PTPRN2: variants seen among roughly 807,000 people sequenced by gnomAD.
PTPRN2 encodes the protein receptor-type tyrosine-protein phosphatase N2.
Under a neutral mutation model 118.8 loss-of-function variants are expected in PTPRN2, and 74 were observed. The ratio of observed to expected loss-of-function variants is 0.62; its 90% CI spans 0.52 to 0.76. The LOEUF is 0.76. PTPRN2 is among the 30% of genes least tolerant of loss of function. PTPRN2 has a pLI of 0.00. For missense variants in PTPRN2, 1,481 were observed against 1,394.4 expected (o/e 1.06, Z -0.99); for synonymous variants, 641 against 608.0 (o/e 1.05, Z -0.80).
chr7:157,781,467 G>T (rs1196067044), intron 12 of PTPRN2, among the ~76,000 whole-genome samples: 1 of 152,144 alleles, frequency 6.6e-6, no homozygotes, highest in Non-Finnish European at 1.5e-5. Context: ...CTCGACCACT[G>T]CAATCAATTC....
At chr7:158,419,780 G>A (rs991698803) in intron 2 of PTPRN2, among the ~76,000 whole-genome samples, 2 of 152,156 alleles carry the variant, frequency 1.3e-5, no homozygotes, top group East Asian at 1.9e-4. Flanking sequence ...AAGCTCACAC[G>A]TGATGTCTGA....
At chr7:158,131,118 ACACT>A (rs1335856093) in intron 9 of PTPRN2, among the ~76,000 whole-genome samples, 3 of 144,036 alleles carry the variant, frequency 2.1e-5, no homozygotes, top group Non-Finnish European at 3.0e-5. Context: ...TACCAAACAC[ACACT>A]CATACGCACA....
At chr7:157,747,219 G>C (rs1458277995) in intron 12 of PTPRN2, among the ~76,000 whole-genome samples, 23 of 127,396 alleles carry the variant, frequency 1.8e-4, no homozygotes. Context: ...TCCCTGAGCT[G>C]TGGGCTGTTG....
At chr7:157,688,278 C>T (rs919327825) in intron 12 of PTPRN2, among the ~76,000 whole-genome samples, 4 of 152,216 alleles carry the variant, frequency 2.6e-5, no homozygotes, top group Admixed American at 1.3e-4. Context: ...TCTTTAAGCA[C>T]TCCTAAAACA....
intron 1 of PTPRN2, among the ~76,000 whole-genome samples, chr7:158,516,857 TTGTTCTTGGTGC>T (rs746883799): frequency 2.0e-5 from 3 of 152,166 alleles, no homozygotes; most frequent in Non-Finnish European, 2.9e-5. Context: ...CTTCTGCCTA[TTGTTCTTGGTGC>T]TGTTCTTGGT....
rs985188837 is a variant in PTPRN2, at chr7:157,642,666, G to A, written c.2196+13691C>T. On this transcript the variant is annotated intron_variant, in intron 14 of 22. Transcript: ENST00000389418. ...GCTTCAAGTGTTTCCTCCCACAACC[G>A]TTAATTCGTGGACCTGTTAACTTTT... is the stretch of plus-strand genomic sequence containing the variant. Among the ~76,000 whole-genome samples, 6 of 152,164 alleles carry A rather than the reference G, an allele frequency of 3.9e-5. No homozygotes were observed. The East Asian group carries it at 7.7e-4, about 20-fold the overall frequency.
intron 11 of PTPRN2, among the ~76,000 whole-genome samples, chr7:157,989,577 A>C (rs1804085722): frequency 6.8e-6 from 1 of 146,956 alleles, no homozygotes; most frequent in African/African-American, 2.5e-5. Context: ...TCCTTTCTGC[A>C]CCGCTCTGAC....
chr7:158,129,948 T>C (rs1053279720), intron 9 of PTPRN2, among the ~76,000 whole-genome samples: 2 of 152,208 alleles, frequency 1.3e-5, no homozygotes, highest in African/African-American at 2.4e-5. Flanking sequence ...TCCTGACTTA[T>C]GTAAAGCAGT....
At chr7:157,650,604 T>TGCCCC in intron 14 of PTPRN2, among the ~76,000 whole-genome samples, 1 of 150,852 alleles carries the variant, frequency 6.6e-6, no homozygotes. Flanking sequence ...GGTGGCCCAG[T>TGCCCC]GCCCCTCATC....
chr7:157,568,869 A>C (rs1799618586), intron 21 of PTPRN2, 33 bp downstream of exon 21: 5 of 1,528,028 alleles, frequency 3.3e-6, no homozygotes, highest in Non-Finnish European at 4.5e-6. Context: ...CCCAGCTCTG[A>C]GCCGCAACAA....
intron 13 of PTPRN2, among the ~76,000 whole-genome samples, chr7:157,681,369 AT>A (rs1796909328): frequency 6.6e-6 from 1 of 152,088 alleles, no homozygotes; most frequent in Admixed American, 6.5e-5. Flanking sequence ...TTTATGTGAC[AT>A]TTTTTTCAGG....
intron 12 of PTPRN2, among the ~76,000 whole-genome samples, chr7:157,743,370 G>A (rs1229541764): frequency 2.0e-5 from 3 of 152,208 alleles, no homozygotes; most frequent in Non-Finnish European, 4.4e-5. Context: ...GTCTGCTCAC[G>A]GTGGGACCAG....
chr7:158,538,596 C>T (rs542076213), intron 1 of PTPRN2, among the ~76,000 whole-genome samples: 8 of 152,256 alleles, frequency 5.3e-5, no homozygotes, highest in Admixed American at 1.3e-4. Context: ...CCTGCAGAGA[C>T]GCATCCCAGC....
intron 2 of PTPRN2, among the ~76,000 whole-genome samples, chr7:158,459,917 T>C (rs1448129776): frequency 8.2e-5 from 8 of 98,068 alleles, no homozygotes; most frequent in Admixed American, 7.6e-4. Context: ...AGCTACAGGA[T>C]GGGACTCTAT....
chr7:157,659,971 C>G (rs1795813639), intron 13 of PTPRN2, among the ~76,000 whole-genome samples: 1 of 152,144 alleles, frequency 6.6e-6, no homozygotes, highest in Admixed American at 6.5e-5. Flanking sequence ...TCTCGAACTC[C>G]TGACCTGAGG....
chr7:158,449,390 C>T (rs1563308148), intron 2 of PTPRN2, among the ~76,000 whole-genome samples: 2 of 152,196 alleles, frequency 1.3e-5, no homozygotes, highest in African/African-American at 2.4e-5. Flanking sequence ...TCAGTTTGCT[C>T]GAAGAGTGGA....
intron 3 of PTPRN2, among the ~76,000 whole-genome samples, chr7:158,207,649 C>G (rs1466280835): frequency 6.6e-6 from 1 of 152,112 alleles, no homozygotes; most frequent in Non-Finnish European, 1.5e-5. Flanking sequence ...TTTTCAAATA[C>G]CTGGAAAGCC....
chr7:157,542,887 C>T (rs1213754119), intron 22 of PTPRN2, among the ~76,000 whole-genome samples: 1 of 152,198 alleles, frequency 6.6e-6, no homozygotes, highest in East Asian at 1.9e-4. Context: ...AGCCTCAGAG[C>T]TGGCGTTTGA....
chr7:157,640,294 A>G (rs1335330456), intron 14 of PTPRN2, among the ~76,000 whole-genome samples: 1 of 152,216 alleles, frequency 6.6e-6, no homozygotes, highest in East Asian at 1.9e-4. Context: ...TTATAACTAC[A>G]ATGCATGGAT....
Sources: gnomAD v4.1 joint callset for allele counts (sites outside exome capture counted in the v4.1 genomes callset) on GRCh38, gnomAD v4.1.1 for gene constraint, MANE v1.5 for transcripts, NCBI Gene and HGNC (gene_info 2026-07-23, HGNC 2026-07-21) for gene names.